TANC2: variants seen among roughly 807,000 people sequenced by gnomAD.
TANC2 encodes protein TANC2.
A neutral mutation model predicts 210.5 loss-of-function variants in TANC2; 26 were observed. The ratio of observed to expected loss-of-function variants is 0.12; its 90% CI spans 0.09 to 0.17. The LOEUF (loss-of-function observed/expected upper bound fraction) is 0.17. Among genes scored for constraint, TANC2 ranks in the 10% least tolerant of loss-of-function variants. The probability of loss-of-function intolerance (pLI) is 1.00; values close to 1 mark genes in which losing one functional copy is unlikely to be tolerated. For synonymous variants in TANC2, 931 were observed against 967.1 expected, an observed-to-expected ratio of 0.96 and a Z score of 0.69; for missense variants, 2,129 against 2,608.9, an observed-to-expected ratio of 0.82 and a Z score of 4.01.
At chr17:63,021,629 A>T (rs2034352333) in intron 2 of TANC2, among the ~76,000 whole-genome samples, 2 of 152,244 alleles carry the variant, frequency 1.3e-5, no homozygotes, top group South Asian at 4.1e-4. Flanking sequence ...ATTCTGTTAT[A>T]GCAACAGAAA....
chr17:63,282,355 A>G (rs2044084406), intron 9 of TANC2, among the ~76,000 whole-genome samples: 1 of 152,080 alleles, frequency 6.6e-6, no homozygotes, highest in Non-Finnish European at 1.5e-5. Context: ...GATATTATAT[A>G]TGCCAGTAAC....
At chr17:63,161,236 C>T (rs560365697) in intron 5 of TANC2, among the ~76,000 whole-genome samples, 17 of 152,096 alleles carry the variant, frequency 1.1e-4, no homozygotes, top group Non-Finnish European at 2.2e-4. Flanking sequence ...GTGGTGTGCA[C>T]CTGTGGTCCC....
intron 7 of TANC2, among the ~76,000 whole-genome samples, chr17:63,207,650 AAAGTT>A (rs1490286666): frequency 2.6e-5 from 4 of 152,174 alleles, no homozygotes; most frequent in Non-Finnish European, 5.9e-5. Flanking sequence ...CTGTTGATGA[AAAGTT>A]GAGTTGTTTC....
intron 5 of TANC2, among the ~76,000 whole-genome samples, chr17:63,173,213 A>G (rs1030700823): frequency 3.3e-5 from 5 of 152,240 alleles, no homozygotes; most frequent in Admixed American, 3.3e-4. Flanking sequence ...AGAGAAATAC[A>G]TGAAGTTTAT....
intron 2 of TANC2, among the ~76,000 whole-genome samples, chr17:63,012,262 C>A (rs562016579): frequency 4.1e-4 from 63 of 152,124 alleles, no homozygotes; most frequent in African/African-American, 1.4e-3. Context: ...GTCAAATGAT[C>A]CTCATGCCTT....
chr17:63,137,030 A>G (rs1321145444), intron 4 of TANC2, among the ~76,000 whole-genome samples: 1 of 152,204 alleles, frequency 6.6e-6, no homozygotes, highest in Non-Finnish European at 1.5e-5. Context: ...CCACGAGGCT[A>G]AAGAAAGAAC....
chr17:63,124,253 A>G (rs547561776), intron 4 of TANC2, among the ~76,000 whole-genome samples: 8 of 152,232 alleles, frequency 5.3e-5, no homozygotes, highest in African/African-American at 1.9e-4. Context: ...GGGATCAAGA[A>G]GTAAATCTTA....
At chr17:63,161,364 A>T (rs2040019435) in intron 5 of TANC2, among the ~76,000 whole-genome samples, 1 of 152,168 alleles carries the variant, frequency 6.6e-6, no homozygotes, top group African/African-American at 2.4e-5. Flanking sequence ...CATGTCTAAA[A>T]TAAAATAAAA....
chr17:63,061,665 T>G (rs2036003454), intron 2 of TANC2, among the ~76,000 whole-genome samples: 1 of 152,130 alleles, frequency 6.6e-6, no homozygotes, highest in Non-Finnish European at 1.5e-5. Context: ...TGCAGGGTTT[T>G]TTTTTCTGAA....
Position 63,083,850 on chromosome 17 carries a change from CATG to C in TANC2, c.139+9837_139+9839del, listed in dbSNP as rs142890943. 2.6e-3 allele frequency among the ~76,000 whole-genome samples: 389 copies of C among 152,276 alleles called. 2 individuals carry two copies. Among genetic ancestry groups the C allele is most frequent in the African/African-American group, 8.9e-3 (369 of 41,562 alleles). ...ATACCTGGTATAAATACCACTTAGT[CATG>C]GTGTGTAATTCCTTTTATACATTTT... On this transcript the variant is annotated intron_variant, in intron 3 of 27. Coordinates refer to ENST00000689528, the Ensembl canonical transcript of TANC2.
intron 2 of TANC2, among the ~76,000 whole-genome samples, chr17:63,046,325 CTTTTTTTTTTT>C (rs57550590): frequency 9.1e-5 from 4 of 44,142 alleles, no homozygotes; most frequent in Admixed American, 3.9e-4. Context: ...ACACCCAGCT[CTTTTTTTTTTT>C]TTTTTTTTTT....
chr17:63,073,900 A>C, intron 2 of TANC2, 43 bp from the exon 3 acceptor site: 1 of 1,483,814 alleles, frequency 6.7e-7, no homozygotes, highest in Non-Finnish European at 9.2e-7. Flanking sequence ...TGTTATGTCA[A>C]TCTCATTATC....
intron 6 of TANC2, 111 bp downstream of exon 6, chr17:63,194,250 C>G: frequency 9.1e-7 from 1 of 1,103,424 alleles, no homozygotes. Flanking sequence ...ACTTAACTTT[C>G]CATAATCACT....
intron 1 of TANC2, among the ~76,000 whole-genome samples, chr17:62,981,442 C>G (rs1328863581): frequency 6.6e-6 from 1 of 152,172 alleles, no homozygotes; most frequent in Non-Finnish European, 1.5e-5. Flanking sequence ...ACATAACTCT[C>G]AGACCACTAG....
intron 17 of TANC2, among the ~76,000 whole-genome samples, chr17:63,394,061 C>T (rs2048076964): frequency 6.6e-6 from 1 of 152,170 alleles, no homozygotes; most frequent in African/African-American, 2.4e-5. Context: ...CATGAGCCAC[C>T]ATGCCCAGCC....
rs1166779010 is a variant in TANC2 at position 63,122,069 on chromosome 17, T to C, written c.322+22712T>C. Among the ~76,000 whole-genome samples the C allele has an allele frequency of 2.0e-5, 3 of 152,084 alleles. No homozygotes were observed. The East Asian group carries it at 5.8e-4, about 29-fold the overall frequency. ...GGATGAAAAACTCAATCTGGTTGAATCTGGAAGGCTTACTCAGTTCAAAAA... is the reference window on the plus strand; with the variant it reads ...GGATGAAAAACTCAATCTGGTTGAACCTGGAAGGCTTACTCAGTTCAAAAA... On this transcript the variant is annotated intron_variant, in intron 4 of 27. Coordinates refer to ENST00000689528, the Ensembl canonical transcript of TANC2.
At chr17:63,116,001 A>G (rs2038236770) in intron 4 of TANC2, among the ~76,000 whole-genome samples, 1 of 152,220 alleles carries the variant, frequency 6.6e-6, no homozygotes, top group African/African-American at 2.4e-5. Context: ...TCATAAATCT[A>G]TGACCAACAA....
chr17:62,991,646 A>C (rs910918297), intron 1 of TANC2, among the ~76,000 whole-genome samples: 3 of 152,040 alleles, frequency 2.0e-5, no homozygotes, highest in East Asian at 3.9e-4. Context: ...TCTCAAAAAA[A>C]AAAAAAACAA....
intron 3 of TANC2, among the ~76,000 whole-genome samples, chr17:63,098,477 C>T (rs1301742975): frequency 6.6e-5 from 2 of 30,426 alleles, no homozygotes; most frequent in Admixed American, 2.4e-4. Flanking sequence ...CACACACACA[C>T]ACATACACTC....
Sources: gnomAD v4.1 joint callset for allele counts (sites outside exome capture counted in the v4.1 genomes callset) on GRCh38, gnomAD v4.1.1 for gene constraint, MANE v1.5 for transcripts, NCBI Gene and HGNC (gene_info 2026-07-23, HGNC 2026-07-21) for gene names.